The following MRPL27 variants were observed in gnomAD, a reference collection of about 807,000 sequenced individuals.
MRPL27 encodes large ribosomal subunit protein bL27m.
A neutral mutation model predicts 14.6 loss-of-function variants in MRPL27; 4 were observed. The ratio of observed to expected loss-of-function variants is 0.27; its 90% CI spans 0.14 to 0.63. MRPL27 has a LOEUF of 0.63. Ranked by LOEUF, MRPL27 falls within the 20% of genes least tolerant of loss-of-function variation. MRPL27 has a pLI of 0.85. For missense variants in MRPL27, 196 were observed against 192.8 expected, an observed-to-expected ratio of 1.02 and a Z score of -0.10; for synonymous variants, 82 against 75.5, an observed-to-expected ratio of 1.09 and a Z score of -0.45.
chr17:50,368,396 G>T, intron 3 of MRPL27, 98 bp from the exon 4 acceptor site: 1 of 1,276,484 alleles, frequency 7.8e-7, no homozygotes, highest in Non-Finnish European at 1.1e-6. Flanking sequence ...GGGCCCTGGG[G>T]CTGAAAGGGT....
intron 3 of MRPL27, 72 bp from the exon 4 acceptor site, chr17:50,368,370 C>A (rs1913026197): frequency 7.3e-6 from 11 of 1,496,770 alleles, no homozygotes; most frequent in Non-Finnish European, 1.0e-5. Flanking sequence ...TTGGGACAGA[C>A]TTCTCACACA....
At chr17:50,370,674 TGGGGA>T in intron 1 of MRPL27, 88 bp from the exon 2 acceptor site, 2 of 1,563,424 alleles carry the variant, frequency 1.3e-6, no homozygotes, top group Non-Finnish European at 1.7e-6. Flanking sequence ...TGAGAGGCGG[TGGGGA>T]GATGAGAAAG....
rs947867980 is a variant in MRPL27, at chr17:50,373,044, G to A, written c.40+87C>T. 1.3e-5 allele frequency: 21 copies of A among 1,576,256 alleles called. No individual in the cohort carries two copies. The African/African-American group carries it at 2.6e-4, about 19-fold the overall frequency. The stretch of plus-strand genomic sequence containing the variant: ...TCCCCTCGCATCCAAGGTCCTCCGC[G>A]GGGATCAGTGTCACCTCCTTCCCTC... On this transcript the variant is annotated intron_variant, in intron 1 of 3. Transcript: ENST00000225969.
At chr17:50,370,616 C>G (rs778730617) in intron 1 of MRPL27, 30 bp from the exon 2 acceptor site, 2 of 1,613,028 alleles carry the variant, frequency 1.2e-6, no homozygotes, top group East Asian at 4.5e-5. Flanking sequence ...ATTGTTCAGA[C>G]AGACAGGCTC....
chr17:50,370,662 C>A, intron 1 of MRPL27, 76 bp from the exon 2 acceptor site: 1 of 1,583,902 alleles, frequency 6.3e-7, no homozygotes, highest in Non-Finnish European at 8.6e-7. Context: ...CATGCTGATA[C>A]GTGAGAGGCG....
intron 3 of MRPL27, chr17:50,368,753 C>T: frequency 7.4e-6 from 5 of 675,556 alleles, no homozygotes; most frequent in South Asian, 6.4e-5. Context: ...ATGGATAATG[C>T]ATATGCTAAT....
intron 3 of MRPL27, chr17:50,368,776 C>G: frequency 1.4e-6 from 1 of 690,440 alleles, no homozygotes; most frequent in African/African-American, 1.8e-5. Context: ...AACAATCATA[C>G]TACTGCATTA....
intron 1 of MRPL27, among the ~76,000 whole-genome samples, chr17:50,372,597 C>A (rs1178360668): frequency 6.6e-6 from 1 of 152,122 alleles, no homozygotes; most frequent in East Asian, 1.9e-4. Context: ...CCTTCACCGT[C>A]CAATCTAAAA....
rs371289856 is a variant in MRPL27, at chr17:50,370,556, G to A, written c.71C>T (p.Thr24Ile). 1.2e-5 allele frequency: 20 copies of A among 1,614,090 alleles called. No homozygotes were observed. In the African/African-American group the frequency reaches 2.4e-4, roughly 19 times the overall value. The change falls in exon 2 of 4, where the codon ACA (threonine) becomes ATA (isoleucine). Residue 24 changes from threonine (T) to isoleucine (I), a missense_variant. Physicochemically the swap from Thr to Ile is moderately conservative, Grantham distance 89. Transcript: ENST00000225969. ...GGATGCGTATCTGACAGCAAGAGCTGTAGCCGGAGTGGGGCTTAGCAAGGA... is the reference window on the plus strand; with the variant it reads ...GGATGCGTATCTGACAGCAAGAGCTATAGCCGGAGTGGGGCTTAGCAAGGA... ...VTSLLSPTPA[T>I]ALAVRYASKK... is the part of the protein sequence containing the mutation.
At chr17:50,370,795 C>A in intron 1 of MRPL27, 1 of 559,342 alleles carries the variant, frequency 1.8e-6, no homozygotes, top group Non-Finnish European at 3.1e-6. Flanking sequence ...AGCAGTGAAA[C>A]ACAAATGGAA....
rs768852960 is a variant in MRPL27, at chr17:50,373,157, A to G, written c.14T>C (p.Val5Ala). The G allele has an allele frequency of 7.4e-6, 12 of 1,612,600 alleles. No homozygotes were observed. In the African/African-American group the frequency reaches 9.4e-5, roughly 13 times the overall value. The part of the protein sequence containing the change: MASV[V>A]LALRTRTAVT... ...GGCTGTCCGGGTCCTCAGCGCCAAC[A>G]CCACCGACGCCATGCTTTCGATCAC... Residue 5 changes from valine to alanine, a missense_variant, in exon 1 of 4, where the codon GTG becomes GCG. By Grantham distance (64) the Val-to-Ala change is moderately conservative. Coordinates refer to ENST00000225969, the MANE Select transcript of MRPL27 (RefSeq NM_016504.3).
At chr17:50,372,871 C>A (rs1021821109) in intron 1 of MRPL27, 5 of 566,600 alleles carry the variant, frequency 8.8e-6, no homozygotes, top group African/African-American at 1.9e-5. Context: ...AAGGACCCAC[C>A]CAAATCCCCA....
intron 2 of MRPL27, 102 bp downstream of exon 2, chr17:50,370,353 G>C: frequency 6.4e-7 from 1 of 1,561,738 alleles, no homozygotes; most frequent in South Asian, 1.2e-5. Flanking sequence ...AATTATGATG[G>C]TAAGGAAGAA....
intron 3 of MRPL27, chr17:50,368,580 G>C: frequency 1.7e-6 from 1 of 593,666 alleles, no homozygotes; most frequent in South Asian, 2.1e-5. Context: ...CTGGTCAGAA[G>C]CCACACTGCA....
intron 3 of MRPL27, chr17:50,368,837 C>T: frequency 1.4e-6 from 1 of 702,274 alleles, no homozygotes; most frequent in South Asian, 1.5e-5. Flanking sequence ...TTAATTCTCA[C>T]CTAGTGAAAG....
Position 50,368,272 on chromosome 17 carries a change from C to A in MRPL27, c.267G>T (p.Leu89=), listed in dbSNP as rs754769189. ...GGACTATCCCCTCTTCCAGGGCATA[C>A]AGACATTTATTCTTCCCAACACCCA... ...AHVGVGKNKC[L]YALEEGIVRY... The change falls in exon 4 of 4, where the codon CTG becomes CTT. Residue 89 remains leucine (L), a synonymous_variant. Transcript: ENST00000225969. 3.1e-6 allele frequency: 5 copies of A among 1,613,942 alleles called. No individual in the cohort carries two copies. The South Asian group carries it at 5.5e-5, about 18-fold the overall frequency.
intron 1 of MRPL27, among the ~76,000 whole-genome samples, chr17:50,372,160 G>C (rs1044289715): frequency 1.3e-5 from 2 of 151,064 alleles, no homozygotes; most frequent in Admixed American, 1.3e-4. Context: ...TTACATAAGA[G>C]CAATAGTTTG....
chr17:50,368,341 G>A, intron 3 of MRPL27, 43 bp from the exon 4 acceptor site: 2 of 1,592,434 alleles, frequency 1.3e-6, no homozygotes, highest in South Asian at 2.2e-5. Flanking sequence ...TGGTCAGCGA[G>A]GTGGTCCGTC....
In MRPL27 at chr17:50,371,798, T is replaced by C. The variant is rs1252551774; in HGVS notation, c.41-1212A>G. On this transcript the variant is annotated intron_variant, in intron 1 of 3. Transcript: ENST00000225969. ...CTACCTTTAAACATCTATTCATTCA[T>C]TTACATACTTACTAAGCTCAGGAGC... Among the ~76,000 whole-genome samples the C allele has an allele frequency of 2.0e-5, 3 of 152,214 alleles. No homozygotes were observed. In the East Asian group the frequency reaches 5.8e-4, roughly 29 times the overall value.
Sources: allele counts gnomAD v4.1 joint callset (sites outside exome capture counted in the v4.1 genomes callset), GRCh38; gene constraint gnomAD v4.1.1; transcripts MANE v1.5; gene names NCBI Gene and HGNC (gene_info 2026-07-23, HGNC 2026-07-21).